The following H6PD variants were observed in gnomAD, a reference collection of about 807,000 sequenced individuals.
H6PD encodes GDH/6PGL endoplasmic bifunctional protein.
A neutral mutation model predicts 61.2 loss-of-function variants in H6PD; 48 were observed. The ratio of observed to expected loss-of-function variants is 0.78; its 90% confidence interval spans 0.62 to 1.00. The LOEUF (loss-of-function observed/expected upper bound fraction) is 1.00, where lower values mean the gene tolerates loss of function less well. Among genes scored for constraint, H6PD ranks in the 50% least tolerant of loss-of-function variants. The pLI, the probability that H6PD is intolerant of heterozygous loss-of-function variation, is 0.00. For synonymous variants in H6PD, 480 were observed against 457.9 expected, an observed-to-expected ratio of 1.05 and a Z score of -0.62; for missense variants, 1,093 against 1,065.0, an observed-to-expected ratio of 1.03 and a Z score of -0.37.
At chr1:9,256,902 TA>T (rs2100367298) in intron 3 of H6PD, among the ~76,000 whole-genome samples, 1 of 152,254 alleles carries the variant, frequency 6.6e-6, no homozygotes, top group East Asian at 1.9e-4. Flanking sequence ...CCTGGTTCCC[TA>T]AACAACCTGT....
intron 1 of H6PD, among the ~76,000 whole-genome samples, chr1:9,236,429 G>A (rs55858522): frequency 0.24 from 36,999 of 151,972 alleles, 4,620 homozygotes; most frequent in East Asian, 0.42. Context: ...TCGGAGGCCA[G>A]GGCGGGCAGG....
chr1:9,252,285 A>C (rs1387715797), intron 3 of H6PD, among the ~76,000 whole-genome samples: 1 of 152,246 alleles, frequency 6.6e-6, no homozygotes, highest in South Asian at 2.1e-4. Context: ...TCTATGTATT[A>C]GCAGTCTGCA....
intron 3 of H6PD, among the ~76,000 whole-genome samples, chr1:9,251,420 C>T (rs1204328562): frequency 6.7e-6 from 1 of 149,192 alleles, no homozygotes; most frequent in African/African-American, 2.5e-5. Flanking sequence ...AGTTTCCCCT[C>T]TGTGTAGAAG....
chr1:9,245,616 C>T lies in H6PD; in HGVS notation c.627+55C>T, dbSNP rs772023941. 1.1e-5 allele frequency: 17 copies of T among 1,563,462 alleles called. No homozygotes were observed. The highest frequency in any genetic ancestry group is 1.4e-5 in the Non-Finnish European group (16 of 1,135,248). On this transcript the variant is annotated intron_variant, in intron 2 of 4. Transcript: ENST00000377403. This position sits in a 1 kb window ranked among gnomAD's most constrained non-coding sequence, Gnocchi z 4.8. ...TAGGGTGAGCTGGGCGCTGGTAGACCCCAGCAACAAAGCCGCTCGCTCATT... is the reference window on the plus strand; with the variant it reads ...TAGGGTGAGCTGGGCGCTGGTAGACTCCAGCAACAAAGCCGCTCGCTCATT...
chr1:9,259,649 G>A (rs982355260), intron 3 of H6PD, among the ~76,000 whole-genome samples: 5 of 151,674 alleles, frequency 3.3e-5, no homozygotes, highest in East Asian at 1.9e-4. Context: ...CTGGTGTTAC[G>A]TTGTTGTTAT....
rs370751354 is a variant in H6PD, at chr1:9,237,236, C to CTT, written c.-11+2195_-11+2196dup. Among the ~76,000 whole-genome samples, 527 of 71,058 alleles carry CTT rather than the reference C, an allele frequency of 7.4e-3. 110 individuals carry two copies. The highest frequency in any genetic ancestry group is 0.023 in the African/African-American group (460 of 20,100). 46.6% of individuals were successfully genotyped at this position (71,058 alleles called of 152,430 possible). A position where few individuals can be genotyped will look rare whatever the true frequency, so the allele number is the denominator to read the frequency against. The stretch of plus-strand genomic sequence containing the variant: ...ACCTTTGGTAAGTTATTTGACTTCT[C>CTT]TTTTTTTTTTTTTTTTTTTTTTTTT... On this transcript the variant is annotated intron_variant, in intron 1 of 4. Coordinates refer to ENST00000377403, the MANE Select transcript of H6PD (RefSeq NM_004285.4).
intron 1 of H6PD, among the ~76,000 whole-genome samples, chr1:9,240,976 C>G (rs1213878673): frequency 1.3e-5 from 2 of 152,114 alleles, no homozygotes; most frequent in Admixed American, 6.5e-5. Context: ...TCTGGGCCTG[C>G]TTCTTTCCCT....
Position 9,264,524 on chromosome 1 carries a change from C to G in H6PD, c.2031C>G (p.Ile677Met), listed in dbSNP as rs1452095207. ...DQGAQIYARE[I>M]SALVANSSFD... ...GCGCCCAGATCTATGCCAGGGAGATCTCAGCCCTGGTGGCCAACAGCAGCT... is the reference window on the plus strand; with the variant it reads ...GCGCCCAGATCTATGCCAGGGAGATGTCAGCCCTGGTGGCCAACAGCAGCT... Residue 677 changes from isoleucine (I) to methionine (M), a missense_variant, in exon 5 of 5, where the codon ATC becomes ATG. Ile to Met is a conservative substitution (Grantham distance 10). Transcript: ENST00000377403. 6.2e-7 allele frequency: 1 copy of G among 1,613,196 alleles called. No homozygotes were observed. Among genetic ancestry groups the G allele is most frequent in the Non-Finnish European group, 8.5e-7 (1 of 1,179,900 alleles).
chr1:9,238,584 G>A (rs1640913140), intron 1 of H6PD, among the ~76,000 whole-genome samples: 1 of 152,162 alleles, frequency 6.6e-6, no homozygotes, highest in South Asian at 2.1e-4. Context: ...AAGGTTTCTG[G>A]GTCTGAACAC....
rs761282563 is a variant in H6PD at position 9,264,695 on chromosome 1, T to G, written c.2202T>G (p.Pro734=). Residue 734 remains proline, a synonymous_variant, in exon 5 of 5, where the codon CCT becomes CCG. Coordinates refer to ENST00000377403, the MANE Select transcript of H6PD (RefSeq NM_004285.4). The stretch of plus-strand genomic sequence containing the variant: ...ACCGCCGCATGAGCCTTAGCCTGCC[T>G]CTCATCAACCGCGCCAAGAAGGTGG... The part of the protein sequence containing the change: ...QPHRRMSLSL[P]LINRAKKVAV... 6.2e-7 allele frequency: 1 copy of G among 1,613,374 alleles called. No individual in the cohort carries two copies. Among genetic ancestry groups the G allele is most frequent in the South Asian group, 1.1e-5 (1 of 91,088 alleles).
In H6PD at chr1:9,264,914, G is replaced by A. The variant is rs766298635; in HGVS notation, c.*45G>A. 2.6e-5 allele frequency: 41 copies of A among 1,601,504 alleles called. No individual in the cohort carries two copies. The highest frequency in any genetic ancestry group is 1.9e-4 in the African/African-American group (14 of 74,768). ...CCGCTTCGCTCCTGTGCTTTCCTTC[G>A]CCCGTGTCTTCCCTCCCTTCTCGGC... is the stretch of plus-strand genomic sequence containing the variant. On this transcript the variant is annotated 3_prime_UTR_variant, in exon 5 of 5. Coordinates refer to ENST00000377403, the MANE Select transcript of H6PD (RefSeq NM_004285.4).
intron 4 of H6PD, among the ~76,000 whole-genome samples, chr1:9,262,853 C>T (rs1638371486): frequency 6.6e-6 from 1 of 152,220 alleles, no homozygotes. Context: ...AGATGCCTCT[C>T]ATACAAGCCT....
chr1:9,258,416 G>C (rs559838291), intron 3 of H6PD, among the ~76,000 whole-genome samples: 1 of 152,142 alleles, frequency 6.6e-6, no homozygotes, highest in Non-Finnish European at 1.5e-5. Flanking sequence ...TGTTATGTCA[G>C]TGTTAATGTT....
chr1:9,256,525 C>G (rs1641524030), intron 3 of H6PD, among the ~76,000 whole-genome samples: 4 of 152,184 alleles, frequency 2.6e-5, no homozygotes. Context: ...TGCTTGCTGT[C>G]TGGTTGGCCC....
At chr1:9,239,819 T>G in intron 1 of H6PD, 1 of 398,318 alleles carries the variant, frequency 2.5e-6, no homozygotes, top group East Asian at 3.6e-5. Flanking sequence ...GCATAGAGGA[T>G]TAGAACTGCT....
chr1:9,244,727 G>A (rs1357183416), intron 1 of H6PD, among the ~76,000 whole-genome samples, 198 bp from the exon 2 acceptor site: 1 of 152,218 alleles, frequency 6.6e-6, no homozygotes, highest in Non-Finnish European at 1.5e-5. Flanking sequence ...TGTCTACAGG[G>A]CAGGCTCCCT....
chr1:9,259,511 G>A (rs574131618), intron 3 of H6PD, among the ~76,000 whole-genome samples: 75 of 151,910 alleles, frequency 4.9e-4, no homozygotes, highest in Non-Finnish European at 9.4e-4. Flanking sequence ...GTGTTGTTAC[G>A]TTGCTGTTAT....
chr1:9,245,014 C>T lies in H6PD; in HGVS notation c.80C>T (p.Ser27Phe), dbSNP rs1444732814. 21 of 1,614,060 alleles carry T rather than the reference C, an allele frequency of 1.3e-5. No homozygotes were observed. Among genetic ancestry groups the T allele is most frequent in the East Asian group, 2.2e-5 (1 of 44,888 alleles). Residue 27 changes from serine (S) to phenylalanine (F), a missense_variant, in exon 2 of 5, where the codon TCC becomes TTC. Physicochemically the swap from Ser to Phe is radical, Grantham distance 155. Transcript: ENST00000377403. This position sits in a 1 kb window ranked among gnomAD's most constrained non-coding sequence, Gnocchi z 4.8. ...LQAQELQGHV[S>F]IILLGATGDL... Reference sequence around the variant, plus strand: ...GCCCAGGAGCTCCAGGGACATGTCTCCATAATCCTGCTGGGAGCAACTGGG... The same window carrying T: ...GCCCAGGAGCTCCAGGGACATGTCTTCATAATCCTGCTGGGAGCAACTGGG...
intron 4 of H6PD, among the ~76,000 whole-genome samples, 173 bp downstream of exon 4, chr1:9,262,501 G>A (rs969345622): frequency 1.3e-5 from 2 of 152,240 alleles, no homozygotes; most frequent in Admixed American, 6.5e-5. Flanking sequence ...CCAGCCTAAA[G>A]TGGCAGGCCA....
Sources: allele counts gnomAD v4.1 joint callset (sites outside exome capture counted in the v4.1 genomes callset), GRCh38; gene constraint gnomAD v4.1.1; non-coding constraint Gnocchi (gnomAD v3.1); transcripts MANE v1.5; gene names NCBI Gene and HGNC (gene_info 2026-07-23, HGNC 2026-07-21).